The following KLF8 variants were observed in gnomAD, a reference collection of about 807,000 sequenced individuals.
The protein encoded by KLF8 is KLF transcription factor 8.
Under a neutral mutation model 18.2 loss-of-function variants are expected in KLF8, and 10 were observed. The ratio of observed to expected loss-of-function variants is 0.55; its 90% CI spans 0.34 to 0.93. The LOEUF is 0.93. Among genes scored for constraint, KLF8 ranks in the 40% least tolerant of loss-of-function variants. KLF8 has a pLI of 0.02. For synonymous variants in KLF8, 109 were observed against 97.3 expected (o/e 1.12, Z -0.71); for missense variants, 264 against 277.9 (o/e 0.95, Z 0.36).
chrX:56,055,767 A>AT, the KLF8 span, among the ~76,000 whole-genome samples: 4 of 110,115 alleles, frequency 3.6e-5, no homozygotes, highest in African/African-American at 6.6e-5. Context: ...GATTTTTTTA[A>AT]TTTTTTTTCT....
chrX:56,105,094 T>G, the KLF8 span, among the ~76,000 whole-genome samples: 2 of 112,003 alleles, frequency 1.8e-5, no homozygotes, highest in East Asian at 5.6e-4. Flanking sequence ...TTGTTGTGAT[T>G]TGTGTTCTTT....
the KLF8 span, among the ~76,000 whole-genome samples, chrX:56,027,381 A>G: frequency 1.8e-5 from 2 of 111,911 alleles, no homozygotes; most frequent in Admixed American, 1.9e-4. Context: ...GGGTTTCCAC[A>G]CTGCCTCTAA....
At position 56,257,277 on chromosome X, in the gene KLF8, C is replaced by T. The variant is rs111426089; in HGVS notation, c.81+6973C>T. On this transcript the variant is annotated intron_variant, in intron 2 of 5. Coordinates refer to ENST00000468660, the MANE Select transcript of KLF8 (RefSeq NM_007250.5). The stretch of plus-strand genomic sequence containing the variant: ...GCTGGGGAAAACAATGTGTATTCTT[C>T]GGCCATTGGATGAAATGTTCTGTAA... 3.4e-3 allele frequency among the ~76,000 whole-genome samples: 381 copies of T among 111,347 alleles called. 2 individuals carry two copies. The highest frequency in any genetic ancestry group is 0.011 in the African/African-American group (350 of 30,666).
chrX:56,185,778 T>G, the KLF8 span, among the ~76,000 whole-genome samples: 1 of 111,474 alleles, frequency 9.0e-6, no homozygotes, highest in South Asian at 3.8e-4. Context: ...CAAACTAAGC[T>G]TCATAAGTGA....
rs1002104024 is a variant in KLF8, at chrX:56,266,460, G to A, written c.646+716G>A. The A allele has an allele frequency of 1.9e-5, 14 of 728,560 alleles. No homozygotes were observed. In the African/African-American group the frequency reaches 3.0e-4, roughly 16 times the overall value. The allele number at this position is 728,560 out of a possible 1,213,427, so 60.0% of individuals were successfully genotyped here. On this transcript the variant is annotated intron_variant, in intron 3 of 5. Transcript: ENST00000468660. ...TAATTTTTTTATGTATGCCTCCAGA[G>A]AACTTAACACAGTGCTAGGAGTTGT...
At chrX:56,212,793 TG>T in the KLF8 span, among the ~76,000 whole-genome samples, 1 of 111,956 alleles carries the variant, frequency 8.9e-6, no homozygotes, top group Middle Eastern at 4.6e-3. Flanking sequence ...CATATGATGG[TG>T]TTTTTTTGTG....
At chrX:56,253,155 A>G (rs748032928) in intron 2 of KLF8, among the ~76,000 whole-genome samples, 5 of 112,173 alleles carry the variant, frequency 4.5e-5, no homozygotes, top group African/African-American at 9.7e-5. Flanking sequence ...CTCCCAATCT[A>G]TGGGTTGTCT....
the KLF8 span, among the ~76,000 whole-genome samples, chrX:55,943,512 G>A: frequency 2.7e-5 from 3 of 111,485 alleles, no homozygotes; most frequent in African/African-American, 9.8e-5. Flanking sequence ...ATGACTAGCA[G>A]CTGAATTTTA....
the KLF8 span, among the ~76,000 whole-genome samples, chrX:56,191,094 CAAAT>C: frequency 9.0e-6 from 1 of 110,747 alleles, no homozygotes; most frequent in African/African-American, 3.3e-5. Flanking sequence ...AAAAGAGATC[CAAAT>C]AAATAAAATC....
the KLF8 span, among the ~76,000 whole-genome samples, chrX:56,191,239 G>T: frequency 3.0e-4 from 34 of 111,660 alleles, no homozygotes; most frequent in African/African-American, 1.1e-3. Context: ...GAAACATACA[G>T]CCTACTAGCA....
At chrX:56,117,680 T>C in the KLF8 span, among the ~76,000 whole-genome samples, 1 of 112,317 alleles carries the variant, frequency 8.9e-6, no homozygotes, top group African/African-American at 3.2e-5. Flanking sequence ...GACCAACACA[T>C]TGGATCATGT....
At chrX:56,131,085 A>G in the KLF8 span, among the ~76,000 whole-genome samples, 1 of 111,758 alleles carries the variant, frequency 8.9e-6, no homozygotes, top group Non-Finnish European at 1.9e-5. Context: ...AATCAAGAAA[A>G]ATTTCCCTGG....
chrX:56,253,764 C>CTTTTTTTTTTTTTT (rs60291877), intron 2 of KLF8, among the ~76,000 whole-genome samples: 1,439 of 59,845 alleles, frequency 0.024, 28 homozygotes, highest in Non-Finnish European at 0.031. Context: ...TTTTCTTTTT[C>CTTTTTTTTTTTTTT]TTTTTTTTTT....
At chrX:56,051,644 C>T in the KLF8 span, among the ~76,000 whole-genome samples, 9,312 of 110,704 alleles carry the variant, frequency 0.084, 1,098 homozygotes, top group African/African-American at 0.3. Context: ...ATCCGCTGTT[C>T]ATCTGATGGG....
the KLF8 span, among the ~76,000 whole-genome samples, chrX:55,986,934 G>C: frequency 9.0e-6 from 1 of 111,576 alleles, no homozygotes; most frequent in Admixed American, 9.5e-5. Context: ...TTCCATCCAA[G>C]TTTCTGCAAG....
At chrX:55,941,139 C>A in the KLF8 span, among the ~76,000 whole-genome samples, 1 of 112,021 alleles carries the variant, frequency 8.9e-6, no homozygotes, top group Middle Eastern at 4.6e-3. Context: ...GCTACAGTAA[C>A]CAAAACAGCA....
Position 56,285,359 on chromosome X carries a change from C to A in KLF8, c.*865C>A. 8.9e-6 allele frequency: 1 copy of A among 111,881 alleles called. No individual in the cohort carries two copies. The highest frequency in any genetic ancestry group is 4.7e-3 in the Middle Eastern group (1 of 215). 9.2% of individuals were successfully genotyped at this position (111,881 alleles called of 1,213,427 possible). A position where few individuals can be genotyped will look rare whatever the true frequency, so the allele number is the denominator to read the frequency against. ...AACAGACCTAGGATGATCCTGAGAA[C>A]AAATAGAGGGGTTCCTTTACTTGTA... On this transcript the variant is annotated 3_prime_UTR_variant, in exon 6 of 6. Transcript: ENST00000468660.
the KLF8 span, among the ~76,000 whole-genome samples, chrX:55,924,344 T>A: frequency 8.9e-6 from 1 of 112,130 alleles, no homozygotes; most frequent in Non-Finnish European, 1.9e-5. Flanking sequence ...CCAAAAGTGC[T>A]GGGATTACAG....
chrX:56,159,536 A>T, the KLF8 span, among the ~76,000 whole-genome samples: 1 of 111,750 alleles, frequency 8.9e-6, no homozygotes, highest in African/African-American at 3.3e-5. Context: ...TTTGGTTGGT[A>T]AGCTATTAAC....
Sources: gnomAD v4.1 joint callset for allele counts (sites outside exome capture counted in the v4.1 genomes callset) on GRCh38, gnomAD v4.1.1 for gene constraint, MANE v1.5 for transcripts, NCBI Gene and HGNC (gene_info 2026-07-23, HGNC 2026-07-21) for gene names.